Variants in GTPBP10 observed in about 807,000 individuals in gnomAD.
GTPBP10 encodes the protein GTP binding protein 10.
Under a neutral mutation model 44.8 loss-of-function variants are expected in GTPBP10, and 38 were observed. The ratio of observed to expected loss-of-function variants is 0.85; its 90% CI spans 0.65 to 1.11. The LOEUF (loss-of-function observed/expected upper bound fraction) is 1.11. Ranked by LOEUF, GTPBP10 falls within the 50% of genes most tolerant of loss-of-function variation. GTPBP10 has a pLI of 0.00. For missense variants in GTPBP10, 462 were observed against 453.7 expected (o/e 1.02, Z -0.17); for synonymous variants, 152 against 150.6 (o/e 1.01, Z -0.07).
intron 8 of GTPBP10, among the ~76,000 whole-genome samples, chr7:90,379,408 C>T (rs1008016824): frequency 2.0e-5 from 3 of 152,146 alleles, no homozygotes; most frequent in African/African-American, 7.2e-5. Context: ...GATAGACCCC[C>T]ATAGCTGTTA....
chr7:90,377,697 A>G, intron 7 of GTPBP10, 83 bp downstream of exon 7: 1 of 863,460 alleles, frequency 1.2e-6, no homozygotes, highest in Non-Finnish European at 1.8e-6. Flanking sequence ...TTTATAAATA[A>G]GAAAGTGGTA....
intron 2 of GTPBP10, 28 bp from the exon 3 acceptor site, chr7:90,354,430 A>AT (rs1268349680): frequency 8.3e-7 from 1 of 1,197,660 alleles, no homozygotes; most frequent in Non-Finnish European, 1.2e-6. Context: ...ACACACATAC[A>AT]TACATATATA....
At position 90,368,606 on chromosome 7, in the gene GTPBP10, G is replaced by A. The variant is rs762152176; in HGVS notation, c.465-3549G>A. Among the ~76,000 whole-genome samples the A allele has an allele frequency of 1.1e-4, 16 of 151,998 alleles. No individual in the cohort carries two copies. In the East Asian group the frequency reaches 1.4e-3, roughly 13 times the overall value. On this transcript the variant is annotated intron_variant, in intron 4 of 9. Coordinates refer to ENST00000222511, the MANE Select transcript of GTPBP10 (RefSeq NM_033107.4). ...GTCGGCTATTGAAGCTTGTGCGTGC[G>A]TCACGAAGTTCTCGTGCTGTGGTTT...
intron 6 of GTPBP10, among the ~76,000 whole-genome samples, chr7:90,376,702 C>G (rs1307967118): frequency 6.6e-6 from 1 of 152,150 alleles, no homozygotes; most frequent in Non-Finnish European, 1.5e-5. Flanking sequence ...TTTATACCAA[C>G]CTAATACTTT....
intron 8 of GTPBP10, among the ~76,000 whole-genome samples, chr7:90,379,708 A>G (rs1466312440): frequency 1.3e-5 from 2 of 152,232 alleles, no homozygotes; most frequent in African/African-American, 4.8e-5. Context: ...GGATCAGATA[A>G]TAATGCTTTG....
chr7:90,387,934 A>G lies in GTPBP10; in HGVS notation c.*2780A>G, dbSNP rs958085716. The G allele has an allele frequency of 6.6e-5, 10 of 152,200 alleles. No individual in the cohort carries two copies. Among genetic ancestry groups the G allele is most frequent in the Admixed American group, 6.5e-4 (10 of 15,290 alleles). The allele number at this position is 152,200 out of a possible 1,614,324, so 9.4% of individuals were successfully genotyped here. On this transcript the variant is annotated 3_prime_UTR_variant, in exon 10 of 10. Transcript: ENST00000222511. ...TGTAAACAAGTATCAATGTAAGGAC[A>G]GTTTCATCAGGTGAATATCAGAAGT...
chr7:90,355,288 A>C, intron 4 of GTPBP10, 58 bp downstream of exon 4: 1 of 1,073,124 alleles, frequency 9.3e-7, no homozygotes, highest in Non-Finnish European at 1.3e-6. Context: ...CTTGAATAGA[A>C]AATAAATGTA....
At chr7:90,355,353 A>C in intron 4 of GTPBP10, 123 bp downstream of exon 4, 1 of 602,144 alleles carries the variant, frequency 1.7e-6, no homozygotes, top group Non-Finnish European at 2.7e-6. Context: ...TGTGTTGTGT[A>C]TGTACTTGGA....
intron 4 of GTPBP10, among the ~76,000 whole-genome samples, chr7:90,365,099 T>A (rs542701147): frequency 6.6e-6 from 1 of 152,174 alleles, no homozygotes; most frequent in Non-Finnish European, 1.5e-5. Flanking sequence ...TGCCTTGCCC[T>A]GCTTTGGCTC....
At chr7:90,353,701 T>A (rs1476381495) in intron 2 of GTPBP10, among the ~76,000 whole-genome samples, 8 of 152,216 alleles carry the variant, frequency 5.3e-5, no homozygotes, top group Admixed American at 4.6e-4. Flanking sequence ...TTTGTACTAA[T>A]TTTTTCTTTT....
In GTPBP10 at chr7:90,385,284, C is replaced by G. The variant is rs949309564; in HGVS notation, c.*130C>G. 1 of 627,540 alleles carries G rather than the reference C, an allele frequency of 1.6e-6. No individual in the cohort carries two copies. The highest frequency in any genetic ancestry group is 1.9e-5 in the African/African-American group (1 of 53,876). 38.9% of individuals were successfully genotyped at this position (627,540 alleles called of 1,614,324 possible). A position where few individuals can be genotyped will look rare whatever the true frequency, so the allele number is the denominator to read the frequency against. On this transcript the variant is annotated 3_prime_UTR_variant, in exon 10 of 10. Coordinates refer to ENST00000222511, the MANE Select transcript of GTPBP10 (RefSeq NM_033107.4). The stretch of plus-strand genomic sequence containing the variant: ...CTTAGAAAGACAAATGCTGCATAAT[C>G]TCACTGTGGAATCTTAAGTTGAACT...
At chr7:90,347,056 G>A (rs933379740) in intron 1 of GTPBP10, among the ~76,000 whole-genome samples, 8 of 152,156 alleles carry the variant, frequency 5.3e-5, no homozygotes, top group Admixed American at 3.3e-4. Flanking sequence ...CCTGCCTGCT[G>A]TGGCCCAAAT....
rs138042323 is a variant in GTPBP10, at chr7:90,365,969, A to G, written c.465-6186A>G. Among the ~76,000 whole-genome samples, 301 of 152,338 alleles carry G rather than the reference A, an allele frequency of 2.0e-3. 5 individuals are homozygous for G. Among genetic ancestry groups the G allele is most frequent in the Middle Eastern group, 6.8e-3 (2 of 294 alleles). Reference sequence around the variant, plus strand: ...ACCTAGTGTTTTGAGAGTTTTTAGCATGAAGCGCTGTTGAATTTTCTCGAA... The same window carrying G: ...ACCTAGTGTTTTGAGAGTTTTTAGCGTGAAGCGCTGTTGAATTTTCTCGAA... On this transcript the variant is annotated intron_variant, in intron 4 of 9. Transcript: ENST00000222511.
At chr7:90,348,680 A>G (rs927522007) in intron 1 of GTPBP10, among the ~76,000 whole-genome samples, 19 of 152,020 alleles carry the variant, frequency 1.2e-4, no homozygotes, top group African/African-American at 4.6e-4. Flanking sequence ...CAGACACACT[A>G]TGTGTAACTT....
chr7:90,380,562 A>G (rs540639465), intron 8 of GTPBP10, among the ~76,000 whole-genome samples: 3 of 152,314 alleles, frequency 2.0e-5, no homozygotes, highest in African/African-American at 7.2e-5. Flanking sequence ...CTTAAAGTGT[A>G]CAAGTGATAT....
Position 90,385,360 on chromosome 7 carries a change from G to A in GTPBP10, c.*206G>A. On this transcript the variant is annotated 3_prime_UTR_variant, in exon 10 of 10. Transcript: ENST00000222511. ...GTTATCAAGGGCTGGTGGGGCAGTG[G>A]AGGATTGAGGAGATATTGGTCAAAA... 4 of 398,504 alleles carry A rather than the reference G, an allele frequency of 1.0e-5. No individual in the cohort carries two copies. In the South Asian group the frequency reaches 2.3e-4, roughly 23 times the overall value. 24.7% of individuals were successfully genotyped at this position (398,504 alleles called of 1,614,324 possible).
At chr7:90,372,813 T>A (rs187404964) in intron 5 of GTPBP10, among the ~76,000 whole-genome samples, 159 of 152,258 alleles carry the variant, frequency 1.0e-3, no homozygotes, top group African/African-American at 3.7e-3. Context: ...TAGCAGATAC[T>A]TATTTTTGGA....
At chr7:90,382,319 T>C (rs1412952199) in intron 8 of GTPBP10, among the ~76,000 whole-genome samples, 9 of 152,226 alleles carry the variant, frequency 5.9e-5, no homozygotes, top group East Asian at 5.8e-4. Flanking sequence ...GGTCTCGTTA[T>C]GTTGTCAAGG....
Position 90,385,090 on chromosome 7 carries a change from C to T in GTPBP10, c.1100C>T (p.Thr367Ile). 1.2e-6 allele frequency: 2 copies of T among 1,613,024 alleles called. No individual in the cohort carries two copies. The highest frequency in any genetic ancestry group is 1.3e-5 in the African/African-American group (1 of 75,000). ...KQLLNLWISD[T>I]MSSTEPPSKH... ...TTGCTTAATTTGTGGATTTCTGATA[C>T]AATGTCTTCTACTGAGCCACCATCA... is the stretch of plus-strand genomic sequence containing the variant. Residue 367 changes from threonine to isoleucine, a missense_variant, in exon 10 of 10, where the codon ACA becomes ATA. Thr to Ile is a moderately conservative substitution (Grantham distance 89). Transcript: ENST00000222511.
Sources: gnomAD v4.1 joint callset for allele counts (sites outside exome capture counted in the v4.1 genomes callset) on GRCh38, gnomAD v4.1.1 for gene constraint, MANE v1.5 for transcripts, NCBI Gene and HGNC (gene_info 2026-07-23, HGNC 2026-07-21) for gene names.